CIB3: variants seen among roughly 807,000 people sequenced by gnomAD.
CIB3 encodes calcium and integrin binding family member 3.
CIB3 carries 22 observed loss-of-function variants against 23.4 expected under a neutral mutation model. That is an observed-to-expected ratio of 0.94 (90% CI 0.67 to 1.34). The LOEUF (loss-of-function observed/expected upper bound fraction) is 1.34. Ranked by LOEUF, CIB3 falls within the 40% of genes most tolerant of loss-of-function variation. The pLI is 0.00. For synonymous variants in CIB3, 93 were observed against 95.8 expected (o/e 0.97, Z 0.17); for missense variants, 258 against 247.3 (o/e 1.04, Z -0.29).
intron 2 of CIB3, among the ~76,000 whole-genome samples, chr19:16,170,997 G>A (rs901486929): frequency 6.6e-6 from 1 of 151,880 alleles, no homozygotes; most frequent in African/African-American, 2.4e-5. Context: ...ATTTAGCCAG[G>A]CGTGGTGGTG....
At chr19:16,172,461 G>C (rs902911089) in intron 2 of CIB3, among the ~76,000 whole-genome samples, 3 of 152,054 alleles carry the variant, frequency 2.0e-5, no homozygotes, top group Non-Finnish European at 4.4e-5. Context: ...AGCCTCAGGA[G>C]AATCTTTCTA....
chr19:16,169,060 A>G (rs1408593135), intron 3 of CIB3, among the ~76,000 whole-genome samples: 4 of 152,170 alleles, frequency 2.6e-5, no homozygotes, highest in African/African-American at 9.7e-5. Context: ...AGTACTTGAC[A>G]CACAACACAC....
intron 5 of CIB3, among the ~76,000 whole-genome samples, chr19:16,162,886 C>CTTTTTTTTTTT (rs373689760): frequency 1.6e-4 from 16 of 102,444 alleles, no homozygotes; most frequent in African/African-American, 4.2e-4. Flanking sequence ...CTTTTCTTTT[C>CTTTTTTTTTTT]TTTTTTTTTT....
chr19:16,171,501 T>C (rs1389960854), intron 2 of CIB3, among the ~76,000 whole-genome samples: 1 of 151,996 alleles, frequency 6.6e-6, no homozygotes, highest in African/African-American at 2.4e-5. Context: ...TCAATGAAGG[T>C]GGGGTGGGGA....
chr19:16,165,292 CAAAAAAAAA>C (rs71178645), intron 4 of CIB3, among the ~76,000 whole-genome samples: 8 of 79,966 alleles, frequency 1.0e-4, no homozygotes, highest in Non-Finnish European at 1.1e-4. Flanking sequence ...AAACTCCGTC[CAAAAAAAAA>C]AAAAAAAAAA....
In CIB3 at chr19:16,161,378, T is replaced by C; in HGVS notation, c.*87A>G. On this transcript the variant is annotated 3_prime_UTR_variant, in exon 6 of 6. Transcript: ENST00000269878. ...TGTCCTCCCAGCAGGTGTGACTCAG[T>C]GACTTGTGTTTATTCTCAGAAACCA... is the stretch of plus-strand genomic sequence containing the variant. The C allele has an allele frequency of 7.4e-7, 1 of 1,354,232 alleles. No individual in the cohort carries two copies. 83.9% of individuals were successfully genotyped at this position (1,354,232 alleles called of 1,614,324 possible). A position where few individuals can be genotyped will look rare whatever the true frequency, so the allele number is the denominator to read the frequency against.
chr19:16,170,195 C>T (rs781226388), intron 2 of CIB3, among the ~76,000 whole-genome samples: 4 of 152,256 alleles, frequency 2.6e-5, no homozygotes, highest in Non-Finnish European at 4.4e-5. Context: ...CTCAAGCATA[C>T]AGAGCCTGAC....
chr19:16,165,903 G>A (rs2091304055), intron 4 of CIB3, among the ~76,000 whole-genome samples: 1 of 152,170 alleles, frequency 6.6e-6, no homozygotes, highest in South Asian at 2.1e-4. Context: ...TATTTATTGA[G>A]TGCAATTTTC....
At chr19:16,166,078 G>A (rs2091304638) in intron 4 of CIB3, among the ~76,000 whole-genome samples, 1 of 152,118 alleles carries the variant, frequency 6.6e-6, no homozygotes, top group Non-Finnish European at 1.5e-5. Flanking sequence ...GATCACCTAA[G>A]GTCAGGAGTT....
intron 2 of CIB3, 139 bp downstream of exon 2, chr19:16,173,022 GA>G: frequency 1.8e-6 from 2 of 1,135,602 alleles, no homozygotes; most frequent in Non-Finnish European, 2.6e-6. Flanking sequence ...AAAAGAGAAA[GA>G]AAGAAAGAAA....
chr19:16,172,449 C>T (rs1416635670), intron 2 of CIB3, among the ~76,000 whole-genome samples: 3 of 152,196 alleles, frequency 2.0e-5, no homozygotes, highest in Admixed American at 6.5e-5. Context: ...GCCACCGCGC[C>T]CAGCCTCAGG....
intron 3 of CIB3, 80 bp downstream of exon 3, chr19:16,169,550 T>A: frequency 2.4e-6 from 3 of 1,257,570 alleles, no homozygotes; most frequent in Non-Finnish European, 3.4e-6. Flanking sequence ...TGGGGATAAC[T>A]GCAGCACTGA....
chr19:16,163,038 C>A (rs1233933175), intron 5 of CIB3, among the ~76,000 whole-genome samples: 1 of 151,402 alleles, frequency 6.6e-6, no homozygotes, highest in Non-Finnish European at 1.5e-5. Context: ...TAGAGGTGTG[C>A]CCCACCATGC....
chr19:16,162,761 AT>A (rs2091289807), intron 5 of CIB3, among the ~76,000 whole-genome samples: 1 of 152,114 alleles, frequency 6.6e-6, no homozygotes, highest in Non-Finnish European at 1.5e-5. Context: ...TCTCAAAAAA[AT>A]AAAATAAAAT....
chr19:16,172,950 T>C (rs1346434020), intron 2 of CIB3, among the ~76,000 whole-genome samples: 1 of 123,692 alleles, frequency 8.1e-6, no homozygotes, highest in Non-Finnish European at 1.6e-5. Flanking sequence ...AGACCCTGTC[T>C]CAAAAAAAAA....
chr19:16,168,029 T>C (rs964610135), intron 4 of CIB3, 108 bp downstream of exon 4: 3 of 1,407,014 alleles, frequency 2.1e-6, no homozygotes, highest in Non-Finnish European at 2.9e-6. Flanking sequence ...CAGGGCCACA[T>C]AGGGCCTCAA....
Position 16,164,907 on chromosome 19 carries a change from T to C in CIB3, c.353A>G (p.Asn118Ser), listed in dbSNP as rs918243978. 3 of 1,613,848 alleles carry C rather than the reference T, an allele frequency of 1.9e-6. No homozygotes were observed. Among genetic ancestry groups the C allele is most frequent in the Non-Finnish European group, 2.5e-6 (3 of 1,179,938 alleles). ...CCACGCACAAATGTAGTCGTCGTTG[T>C]TAAAATCTGCAGAGCAGGATGGATG... is the stretch of plus-strand genomic sequence containing the variant. ...AYYAFKIYDF[N>S]NDDYICAWDL... The change falls in exon 5 of 6, where the codon AAC becomes AGC. Residue 118 changes from asparagine to serine, a missense_variant. By Grantham distance (46) the Asn-to-Ser change is conservative. Coordinates refer to ENST00000269878, the MANE Select transcript of CIB3 (RefSeq NM_054113.4).
intron 4 of CIB3, among the ~76,000 whole-genome samples, chr19:16,167,176 G>A (rs560549248): frequency 1.3e-5 from 2 of 152,128 alleles, no homozygotes; most frequent in Admixed American, 6.5e-5. Flanking sequence ...AGCTGAGATC[G>A]CGTCACTGCA....
chr19:16,163,180 T>C (rs529408549), intron 5 of CIB3, among the ~76,000 whole-genome samples: 69 of 152,208 alleles, frequency 4.5e-4, no homozygotes, highest in Non-Finnish European at 9.3e-4. Flanking sequence ...GAGGATCTCT[T>C]GAGCCGAGGA....
Sources: allele counts gnomAD v4.1 joint callset (sites outside exome capture counted in the v4.1 genomes callset), GRCh38; gene constraint gnomAD v4.1.1; transcripts MANE v1.5; gene names NCBI Gene and HGNC (gene_info 2026-07-23, HGNC 2026-07-21).